Variants in WDPCP observed in about 807,000 individuals in gnomAD.
WDPCP encodes the protein WD repeat-containing and planar cell polarity effector protein fritz homolog.
WDPCP carries 71 observed loss-of-function variants against 93.1 expected under a neutral mutation model. The observed-to-expected ratio is 0.76, with a 90% CI of 0.63 to 0.93. The LOEUF (loss-of-function observed/expected upper bound fraction) is 0.93, where lower values mean the gene tolerates loss of function less well. WDPCP is among the 40% of genes least tolerant of loss of function. WDPCP has a pLI of 0.00. For missense variants in WDPCP, 844 were observed against 887.4 expected, an observed-to-expected ratio of 0.95 and a Z score of 0.62; for synonymous variants, 315 against 315.0, an observed-to-expected ratio of 1.00 and a Z score of 0.00.
chr2:63,593,627 A>G (rs1558858917), upstream of WDPCP: 1 of 471,630 alleles, frequency 2.1e-6, no homozygotes, highest in Non-Finnish European at 4.4e-6. Flanking sequence ...TTCTCCATGC[A>G]GGTAGGGGTA....
chr2:63,379,145 G>T (rs1692095906), intron 11 of WDPCP, among the ~76,000 whole-genome samples: 1 of 152,012 alleles, frequency 6.6e-6, no homozygotes. Context: ...AAGACTGGGG[G>T]AAAGGGCACA....
intron 9 of WDPCP, among the ~76,000 whole-genome samples, chr2:63,405,581 G>GTGTGTGTGTGTGTC (rs1415564153): frequency 9.5e-5 from 13 of 136,376 alleles, no homozygotes; most frequent in African/African-American, 3.5e-4. Context: ...GTGTGTGTGT[G>GTGTGTGTGTGTGTC]TGTGTTGGCG....
chr2:63,260,406 T>C (rs1392641477), intron 13 of WDPCP, among the ~76,000 whole-genome samples: 1 of 152,250 alleles, frequency 6.6e-6, no homozygotes, highest in East Asian at 1.9e-4. Flanking sequence ...TTAAAAGATA[T>C]GTGACCTTAT....
At chr2:63,604,392 C>T (rs930248457) in intron 3 of WDPCP, among the ~76,000 whole-genome samples, 1 of 152,096 alleles carries the variant, frequency 6.6e-6, no homozygotes, top group African/African-American at 2.4e-5. Flanking sequence ...ATAATAGTAA[C>T]GATTAATGTT....
chr2:63,808,335 C>T (rs1434561096), intron 2 of WDPCP, among the ~76,000 whole-genome samples: 1 of 146,824 alleles, frequency 6.8e-6, no homozygotes, highest in African/African-American at 2.5e-5. Context: ...TCTCCCCTCT[C>T]CCCTCTCCCC....
At chr2:63,752,231 A>T (rs942793728) in intron 2 of WDPCP, 7 of 740,364 alleles carry the variant, frequency 9.5e-6, no homozygotes, top group Middle Eastern at 3.8e-4. Context: ...ATCAGTCATA[A>T]TTTCAATCAC....
At chr2:63,644,846 C>G (rs1183594450) in intron 3 of WDPCP, among the ~76,000 whole-genome samples, 1 of 152,112 alleles carries the variant, frequency 6.6e-6, no homozygotes, top group Non-Finnish European at 1.5e-5. Flanking sequence ...GCAGTATCAG[C>G]TGTAATGTGT....
intron 14 of WDPCP, among the ~76,000 whole-genome samples, chr2:63,176,245 A>T (rs977769019): frequency 1.3e-5 from 2 of 152,010 alleles, no homozygotes; most frequent in African/African-American, 4.8e-5. Context: ...GATTCAAGTC[A>T]CTTGTCCTTT....
intron 15 of WDPCP, among the ~76,000 whole-genome samples, chr2:63,157,936 T>C (rs1672368693): frequency 3.3e-5 from 5 of 152,128 alleles, no homozygotes; most frequent in Non-Finnish European, 7.4e-5. Flanking sequence ...TTAGTCTGTT[T>C]AGATGGAAGC....
chr2:63,366,970 T>C (rs1032736501), intron 12 of WDPCP, among the ~76,000 whole-genome samples: 3 of 152,004 alleles, frequency 2.0e-5, no homozygotes, highest in African/African-American at 7.2e-5. Flanking sequence ...ATGTGAGGTT[T>C]AAATGTGATC....
At chr2:63,603,493 T>C (rs1248555806) in intron 3 of WDPCP, among the ~76,000 whole-genome samples, 1 of 152,094 alleles carries the variant, frequency 6.6e-6, no homozygotes, top group Admixed American at 6.5e-5. Flanking sequence ...ACAGATCAGC[T>C]TCTTAAAATA....
intron 13 of WDPCP, among the ~76,000 whole-genome samples, chr2:63,274,781 G>C (rs1421603811): frequency 6.6e-6 from 1 of 151,914 alleles, no homozygotes; most frequent in Non-Finnish European, 1.5e-5. Flanking sequence ...TGAAGAGAGC[G>C]AGTTTTTTCT....
chr2:63,761,801 A>G (rs1340678417), intron 2 of WDPCP, among the ~76,000 whole-genome samples: 1 of 152,166 alleles, frequency 6.6e-6, no homozygotes, highest in Non-Finnish European at 1.5e-5. Flanking sequence ...ACCCTCACAG[A>G]CACACCCAGG....
At chr2:63,146,406 G>GT (rs33976806) in intron 17 of WDPCP, among the ~76,000 whole-genome samples, 8,319 of 130,344 alleles carry the variant, frequency 0.064, 401 homozygotes, top group East Asian at 0.13. Context: ...TTGAGAGCGT[G>GT]TTTTTTTTTT....
At chr2:63,605,917 T>C (rs778854977) in intron 3 of WDPCP, 9 of 1,583,384 alleles carry the variant, frequency 5.7e-6, no homozygotes, top group Admixed American at 1.7e-5. Context: ...ATCATGAGTA[T>C]GTGAAACATT....
intron 2 of WDPCP, among the ~76,000 whole-genome samples, chr2:63,721,667 T>C (rs1669415365): frequency 6.6e-6 from 1 of 151,968 alleles, no homozygotes; most frequent in African/African-American, 2.4e-5. Context: ...CAGCAAGCCA[T>C]TCCCTCTACT....
intron 12 of WDPCP, among the ~76,000 whole-genome samples, chr2:63,376,438 T>C (rs1400557945): frequency 6.6e-6 from 1 of 151,906 alleles, no homozygotes; most frequent in Admixed American, 6.6e-5. Flanking sequence ...TTCACATTAG[T>C]AGAATAGAGC....
intron 2 of WDPCP, among the ~76,000 whole-genome samples, chr2:63,689,388 C>T (rs1026648433): frequency 6.6e-6 from 1 of 152,232 alleles, no homozygotes; most frequent in Middle Eastern, 3.4e-3. Context: ...CTGTTTTCTC[C>T]ACTGAAAAGC....
At chr2:63,350,358 G>A (rs1166508712) in intron 12 of WDPCP, among the ~76,000 whole-genome samples, 1 of 151,932 alleles carries the variant, frequency 6.6e-6, no homozygotes, top group Non-Finnish European at 1.5e-5. Context: ...GTTGATGGGT[G>A]CAGCAAACCA....
Sources: gnomAD v4.1 joint callset for allele counts (sites outside exome capture counted in the v4.1 genomes callset) on GRCh38, gnomAD v4.1.1 for gene constraint, MANE v1.5 for transcripts, NCBI Gene and HGNC (gene_info 2026-07-23, HGNC 2026-07-21) for gene names.